Variants in KMT5B observed in about 807,000 individuals in gnomAD.
KMT5B encodes the protein lysine methyltransferase 5B.
KMT5B carries 10 observed loss-of-function variants against 83.2 expected under a neutral mutation model. That is an observed-to-expected ratio of 0.12 (90% CI 0.07 to 0.20). The LOEUF is 0.20. Among genes scored for constraint, KMT5B ranks in the 10% least tolerant of loss-of-function variants. The probability of loss-of-function intolerance (pLI) is 1.00; values close to 1 mark genes in which losing one functional copy is unlikely to be tolerated. For missense variants in KMT5B, 753 were observed against 1,067.2 expected (o/e 0.71, Z 4.10); for synonymous variants, 349 against 388.8 (o/e 0.90, Z 1.20).
intron 10 of KMT5B, 52 bp from the exon 11 acceptor site, chr11:68,159,223 A>G (rs1440128746): frequency 6.7e-7 from 1 of 1,502,790 alleles, no homozygotes; most frequent in Non-Finnish European, 8.8e-7. Context: ...GCAGAGTTCA[A>G]GAAAAGAATG....
At chr11:68,185,714 T>C in intron 3 of KMT5B, 67 bp downstream of exon 3, 1 of 1,440,362 alleles carries the variant, frequency 6.9e-7, no homozygotes, top group Non-Finnish European at 9.3e-7. Flanking sequence ...AAAAGTAAAA[T>C]TAGCCATCTA....
At chr11:68,204,185 G>A (rs1859784748) in intron 1 of KMT5B, among the ~76,000 whole-genome samples, 6 of 152,106 alleles carry the variant, frequency 3.9e-5, no homozygotes. Context: ...ACTAAGTTTT[G>A]AAAAAGACTA....
At chr11:68,165,321 T>C (rs1218122140) in intron 10 of KMT5B, among the ~76,000 whole-genome samples, 2 of 152,092 alleles carry the variant, frequency 1.3e-5, no homozygotes, top group African/African-American at 4.8e-5. Context: ...CTGGACAACA[T>C]GGTGAAACCC....
intron 5 of KMT5B, 42 bp from the exon 6 acceptor site, chr11:68,173,955 T>C (rs1305169690): frequency 1.5e-6 from 2 of 1,310,928 alleles, no homozygotes; most frequent in Admixed American, 3.5e-5. Flanking sequence ...TTAAATGGTA[T>C]ACCCTGCTAG....
intron 1 of KMT5B, among the ~76,000 whole-genome samples, chr11:68,194,190 T>G (rs1281133715): frequency 3.0e-5 from 4 of 131,706 alleles, no homozygotes; most frequent in South Asian, 2.4e-4. Context: ...AAGTACCAAG[T>G]TTTTTTTTTT....
intron 10 of KMT5B, chr11:68,166,098 C>T: frequency 6.8e-7 from 1 of 1,469,980 alleles, no homozygotes; most frequent in South Asian, 1.5e-5. Flanking sequence ...TTCGGAATCG[C>T]CAAGTCAAAA....
intron 1 of KMT5B, among the ~76,000 whole-genome samples, chr11:68,210,318 T>G (rs1860741406): frequency 6.6e-6 from 1 of 151,816 alleles, no homozygotes; most frequent in South Asian, 2.1e-4. Context: ...ATAATGACAT[T>G]TCAAAAAAAG....
Position 68,207,167 on chromosome 11 carries a change from T to C in KMT5B, c.-77+5971A>G, listed in dbSNP as rs142657819. Among the ~76,000 whole-genome samples, 941 of 151,456 alleles carry C rather than the reference T, an allele frequency of 6.2e-3. 7 individuals are homozygous for C. Among genetic ancestry groups the C allele is most frequent in the African/African-American group, 0.022 (911 of 41,156 alleles). ...AGGCGGAGCTTGCAGTGAGCCAAGATTGCGCCACTGCACTCCAGCCTCGGC... is the reference window on the plus strand; with the variant it reads ...AGGCGGAGCTTGCAGTGAGCCAAGACTGCGCCACTGCACTCCAGCCTCGGC... On this transcript the variant is annotated intron_variant, in intron 1 of 10. Coordinates refer to ENST00000304363, the MANE Select transcript of KMT5B (RefSeq NM_017635.5).
chr11:68,163,163 C>CA (rs1162634348), intron 10 of KMT5B, among the ~76,000 whole-genome samples: 3 of 152,198 alleles, frequency 2.0e-5, no homozygotes, highest in African/African-American at 7.2e-5. Context: ...GGACAAATCT[C>CA]AAATACATGG....
rs1211216903 is a variant in KMT5B, at chr11:68,185,645, A to G, written c.308+136T>C. 4 of 766,792 alleles carry G rather than the reference A, an allele frequency of 5.2e-6. No individual in the cohort carries two copies. The East Asian group carries it at 1.1e-4, about 22-fold the overall frequency. 47.5% of individuals were successfully genotyped at this position (766,792 alleles called of 1,614,324 possible). A position where few individuals can be genotyped will look rare whatever the true frequency, so the allele number is the denominator to read the frequency against. On this transcript the variant is annotated intron_variant, in intron 3 of 10. Coordinates refer to ENST00000304363, the MANE Select transcript of KMT5B (RefSeq NM_017635.5). Reference sequence around the variant, plus strand: ...CTTTTCTCTGCTTCTCTTGGCTCACAGACAGAAAACCCTTCCACTGCAAAG... The same window carrying G: ...CTTTTCTCTGCTTCTCTTGGCTCACGGACAGAAAACCCTTCCACTGCAAAG...
rs753984992 is a variant in KMT5B at position 68,189,932 on chromosome 11, T to G, written c.145A>C (p.Arg49=). The G allele has an allele frequency of 1.2e-6, 2 of 1,614,180 alleles. No individual in the cohort carries two copies. The highest frequency in any genetic ancestry group is 1.7e-6 in the Non-Finnish European group (2 of 1,180,016). ...GTGTACATACATCTGTTCGACCTCC[T>G]CTCGACTGCATTTTTGCCAGCCTTC... ...TLKAGKNAVE[R]RSNRCNGNSG... Residue 49 remains arginine, a synonymous_variant, in exon 2 of 11, where the codon AGG becomes CGG. Coordinates refer to ENST00000304363, the MANE Select transcript of KMT5B (RefSeq NM_017635.5).
chr11:68,208,079 C>T lies in KMT5B; in HGVS notation c.-77+5059G>A, dbSNP rs899007688. Among the ~76,000 whole-genome samples, 4 of 149,108 alleles carry T rather than the reference C, an allele frequency of 2.7e-5. No individual in the cohort carries two copies. The South Asian group carries it at 9.2e-4, about 34-fold the overall frequency. ...GTCTTGAACTCCTGACCACGTGATT[C>T]ACCTGTCTCGGCCTCCCAAAGTGCT... On this transcript the variant is annotated intron_variant, in intron 1 of 10. Coordinates refer to ENST00000304363, the MANE Select transcript of KMT5B (RefSeq NM_017635.5).
At chr11:68,183,064 A>C (rs1857099567) in intron 3 of KMT5B, among the ~76,000 whole-genome samples, 1 of 152,060 alleles carries the variant, frequency 6.6e-6, no homozygotes, top group African/African-American at 2.4e-5. Flanking sequence ...ACGCTGTTTT[A>C]TATGCTTCCA....
chr11:68,203,066 C>G (rs1017429737), intron 1 of KMT5B, among the ~76,000 whole-genome samples: 12 of 152,054 alleles, frequency 7.9e-5, no homozygotes, highest in Non-Finnish European at 1.2e-4. Context: ...ACCTCCGCCT[C>G]CTGGGTTCCA....
Position 68,157,933 on chromosome 11 carries a change from G to C in KMT5B, c.2413C>G (p.Pro805Ala). The change falls in exon 11 of 11, where the codon CCT becomes GCT. Residue 805 changes from proline (P) to alanine (A), a missense_variant. By Grantham distance (27) the Pro-to-Ala change is conservative. Transcript: ENST00000304363. ...LHENGVCCSD[P>A]LSLLESRMEV... ...ATTCGAGACTCCAAGAGAGAAAGAGGATCACTGCAGCACACCCCATTTTCA... is the reference window on the plus strand; with the variant it reads ...ATTCGAGACTCCAAGAGAGAAAGAGCATCACTGCAGCACACCCCATTTTCA... 6.2e-7 allele frequency: 1 copy of C among 1,614,068 alleles called. No homozygotes were observed. Among genetic ancestry groups the C allele is most frequent in the Non-Finnish European group, 8.5e-7 (1 of 1,179,994 alleles).
In KMT5B at chr11:68,158,823, C is replaced by T; in HGVS notation, c.1523G>A (p.Cys508Tyr). 1 of 1,614,180 alleles carries T rather than the reference C, an allele frequency of 6.2e-7. No individual in the cohort carries two copies. The highest frequency in any genetic ancestry group is 8.5e-7 in the Non-Finnish European group (1 of 1,180,032). Residue 508 changes from cysteine to tyrosine, a missense_variant, in exon 11 of 11, where the codon TGC becomes TAC. By Grantham distance (194) the Cys-to-Tyr change is radical. This residue lies in a region of KMT5B where 397 missense variants were observed against 395.9 expected (regional missense o/e 1.00). Coordinates refer to ENST00000304363, the MANE Select transcript of KMT5B (RefSeq NM_017635.5). ...TTCTCTCGCCGCGTGTCTAGTCAAG[C>T]ACCCGCTGGCAACTGCGGCTTGGGC... is the stretch of plus-strand genomic sequence containing the variant. ...GPAQAAVASG[C>Y]LTRHAAREHR...
chr11:68,187,001 T>A (rs1040915635), intron 2 of KMT5B, among the ~76,000 whole-genome samples: 1 of 144,064 alleles, frequency 6.9e-6, no homozygotes, highest in African/African-American at 2.5e-5. Flanking sequence ...CACAACTCAC[T>A]TTTTTTTTTT....
intron 6 of KMT5B, among the ~76,000 whole-genome samples, chr11:68,173,483 G>A (rs1856045352): frequency 6.6e-6 from 1 of 152,140 alleles, no homozygotes; most frequent in Non-Finnish European, 1.5e-5. Context: ...TTTCTTCTAG[G>A]CCAGTAGAAG....
At chr11:68,205,644 G>A (rs1291436276) in intron 1 of KMT5B, among the ~76,000 whole-genome samples, 2 of 143,754 alleles carry the variant, frequency 1.4e-5, no homozygotes, top group East Asian at 2.1e-4. Flanking sequence ...TTTTTCAGAC[G>A]GAGTCTCACT....
Sources: allele counts gnomAD v4.1 joint callset (sites outside exome capture counted in the v4.1 genomes callset), GRCh38; gene constraint gnomAD v4.1.1; regional missense constraint gnomAD v4.1.1; transcripts MANE v1.5; gene names NCBI Gene and HGNC (gene_info 2026-07-23, HGNC 2026-07-21).